Variants in SLC9A9 observed in about 807,000 individuals in gnomAD.
SLC9A9 encodes solute carrier family 9 member A9, also known as sodium/hydrogen exchanger 9.
A neutral mutation model predicts 77.8 loss-of-function variants in SLC9A9; 62 were observed. The ratio of observed to expected loss-of-function variants is 0.80; its 90% CI spans 0.65 to 0.98. The LOEUF is 0.98. SLC9A9 is among the 50% of genes least tolerant of loss of function. SLC9A9 has a pLI of 0.00. For missense variants in SLC9A9, 775 were observed against 774.9 expected, an observed-to-expected ratio of 1.00 and a Z score of 0.00; for synonymous variants, 320 against 283.5, an observed-to-expected ratio of 1.13 and a Z score of -1.29.
At chr3:143,778,922 G>T (rs562095809) in intron 4 of SLC9A9, among the ~76,000 whole-genome samples, 1 of 152,204 alleles carries the variant, frequency 6.6e-6, no homozygotes, top group Non-Finnish European at 1.5e-5. Context: ...TTTCTCTAGA[G>T]ATTACCCACA....
chr3:143,363,473 T>A lies in SLC9A9; in HGVS notation c.1604+11A>T. The stretch of plus-strand genomic sequence containing the variant: ...AGCAGGATCTGTGAGATCGTTATTA[T>A]CAAAGGATACTTGTGGTCAAAGCTA... On this transcript the variant is annotated intron_variant, in intron 14 of 15. Coordinates refer to ENST00000316549, the MANE Select transcript of SLC9A9 (RefSeq NM_173653.4). 6.2e-7 allele frequency: 1 copy of A among 1,611,490 alleles called. No homozygotes were observed. Among genetic ancestry groups the A allele is most frequent in the Non-Finnish European group, 8.5e-7 (1 of 1,177,910 alleles).
At chr3:143,527,675 C>T (rs562359933) in intron 9 of SLC9A9, among the ~76,000 whole-genome samples, 2 of 152,324 alleles carry the variant, frequency 1.3e-5, no homozygotes, top group South Asian at 4.2e-4. Flanking sequence ...GAAAGCCAAA[C>T]TGCTTAGCAC....
chr3:143,274,944 C>T (rs1454577945), intron 14 of SLC9A9, among the ~76,000 whole-genome samples: 5 of 152,132 alleles, frequency 3.3e-5, no homozygotes, highest in Non-Finnish European at 7.3e-5. Context: ...TATTGTTTCC[C>T]TCTTAACTAT....
chr3:143,437,334 C>A (rs909930841), intron 12 of SLC9A9, among the ~76,000 whole-genome samples: 4 of 152,238 alleles, frequency 2.6e-5, no homozygotes, highest in African/African-American at 9.7e-5. Flanking sequence ...CAAGCCCTCT[C>A]CCCTCAGAAT....
At position 143,345,737 on chromosome 3, in the gene SLC9A9, G is replaced by A. The variant is rs117362404; in HGVS notation, c.1604+17747C>T. On this transcript the variant is annotated intron_variant, in intron 14 of 15. Coordinates refer to ENST00000316549, the MANE Select transcript of SLC9A9 (RefSeq NM_173653.4). ...CAGGGCTCATCTATGCAGATATAGT[G>A]TGCCCAAAAGCAACATGTTGCCTTC... Among the ~76,000 whole-genome samples, 27 of 152,288 alleles carry A rather than the reference G, an allele frequency of 1.8e-4. No individual in the cohort carries two copies. In the East Asian group the frequency reaches 3.7e-3, roughly 21 times the overall value.
rs141607493 is a variant in SLC9A9 at position 143,603,345 on chromosome 3, G to A, written c.756-24622C>T. On this transcript the variant is annotated intron_variant, in intron 6 of 15. Coordinates refer to ENST00000316549, the MANE Select transcript of SLC9A9 (RefSeq NM_173653.4). ...ATGATCCCTGACACTTGGTATTCACGCCCTCTACATTCCTCTCTCACATTG... is the reference window on the plus strand; with the variant it reads ...ATGATCCCTGACACTTGGTATTCACACCCTCTACATTCCTCTCTCACATTG... Among the ~76,000 whole-genome samples the A allele has an allele frequency of 3.0e-3, 457 of 152,260 alleles. 2 individuals carry two copies. Among genetic ancestry groups the A allele is most frequent in the African/African-American group, 9.3e-3 (388 of 41,554 alleles).
rs149639601 is a variant in SLC9A9, at chr3:143,626,316, C to T, written c.755+25939G>A. Among the ~76,000 whole-genome samples, 931 of 152,274 alleles carry T rather than the reference C, an allele frequency of 6.1e-3. 10 individuals carry two copies. The highest frequency in any genetic ancestry group is 0.021 in the African/African-American group (852 of 41,536). ...ATGCTGCTATAAAGACACATGCACA[C>T]GTATGTTTATTGCGGCACTATTCAC... is the stretch of plus-strand genomic sequence containing the variant. On this transcript the variant is annotated intron_variant, in intron 6 of 15. Coordinates refer to ENST00000316549, the MANE Select transcript of SLC9A9 (RefSeq NM_173653.4).
chr3:143,748,018 C>G (rs1321232503), intron 4 of SLC9A9, among the ~76,000 whole-genome samples: 22 of 152,112 alleles, frequency 1.4e-4, no homozygotes. Flanking sequence ...CCTAAGTCTG[C>G]GATTGAGCCA....
At chr3:143,638,274 A>G (rs995768755) in intron 6 of SLC9A9, among the ~76,000 whole-genome samples, 2 of 152,242 alleles carry the variant, frequency 1.3e-5, no homozygotes, top group African/African-American at 4.8e-5. Context: ...TTTAACTGCC[A>G]TTCTGAAAAT....
chr3:143,541,142 C>T (rs953221257), intron 9 of SLC9A9, among the ~76,000 whole-genome samples: 3 of 152,160 alleles, frequency 2.0e-5, no homozygotes, highest in East Asian at 3.8e-4. Flanking sequence ...TTTACGGAAT[C>T]GATTCTAACA....
At chr3:143,552,073 T>C (rs1381267096) in intron 9 of SLC9A9, among the ~76,000 whole-genome samples, 3 of 152,212 alleles carry the variant, frequency 2.0e-5, no homozygotes, top group Non-Finnish European at 4.4e-5. Context: ...TAGATGTAAG[T>C]GACTGTGAAT....
chr3:143,804,189 T>A (rs1470166936), intron 2 of SLC9A9, among the ~76,000 whole-genome samples: 2 of 152,162 alleles, frequency 1.3e-5, no homozygotes, highest in African/African-American at 4.8e-5. Context: ...TCCAGCTCCA[T>A]ATTACAGATA....
chr3:143,844,711 C>CTCTT (rs3031232), intron 1 of SLC9A9, among the ~76,000 whole-genome samples: 1,274 of 95,792 alleles, frequency 0.013, 50 homozygotes, highest in Middle Eastern at 0.031. Flanking sequence ...AACTTTCTTT[C>CTCTT]TCTTTCTTTC....
intron 14 of SLC9A9, among the ~76,000 whole-genome samples, chr3:143,294,243 G>A (rs759435804): frequency 1.3e-5 from 2 of 152,002 alleles, no homozygotes; most frequent in Non-Finnish European, 2.9e-5. Flanking sequence ...AACCCAAATC[G>A]CCTACTCTTT....
intron 1 of SLC9A9, among the ~76,000 whole-genome samples, chr3:143,833,335 C>A (rs566021599): frequency 6.6e-6 from 1 of 152,190 alleles, no homozygotes; most frequent in East Asian, 1.9e-4. Context: ...AGAATACAGG[C>A]CCAGTCTTAC....
intron 9 of SLC9A9, chr3:143,518,008 C>A: frequency 7.1e-7 from 1 of 1,413,252 alleles, no homozygotes; most frequent in Non-Finnish European, 9.9e-7. Flanking sequence ...CTTCACTTGA[C>A]GGTTCTTCTG....
intron 9 of SLC9A9, among the ~76,000 whole-genome samples, chr3:143,505,684 A>C (rs990067049): frequency 1.3e-5 from 2 of 152,214 alleles, no homozygotes; most frequent in Non-Finnish European, 2.9e-5. Context: ...TTTTAAAAAC[A>C]TGAGAATTTC....
chr3:143,508,704 AG>A (rs2036068511), intron 9 of SLC9A9, among the ~76,000 whole-genome samples: 1 of 152,216 alleles, frequency 6.6e-6, no homozygotes, highest in African/African-American at 2.4e-5. Context: ...CCAATTTATG[AG>A]GAAAAAGAAA....
At chr3:143,270,237 A>G (rs1937861722) in intron 14 of SLC9A9, among the ~76,000 whole-genome samples, 1 of 152,226 alleles carries the variant, frequency 6.6e-6, no homozygotes, top group Non-Finnish European at 1.5e-5. Flanking sequence ...TCTTGTAAAT[A>G]TATCTACAAA....
Sources: allele counts gnomAD v4.1 joint callset (sites outside exome capture counted in the v4.1 genomes callset), GRCh38; gene constraint gnomAD v4.1.1; transcripts MANE v1.5; gene names NCBI Gene and HGNC (gene_info 2026-07-23, HGNC 2026-07-21).